The following ACTN1 variants were observed in gnomAD, a reference collection of about 807,000 sequenced individuals.
ACTN1 encodes alpha-actinin-1.
A neutral mutation model predicts 119.6 loss-of-function variants in ACTN1; 30 were observed. The observed-to-expected ratio is 0.25, with a 90% CI of 0.19 to 0.34. The LOEUF (loss-of-function observed/expected upper bound fraction) is 0.34, where lower values mean the gene tolerates loss of function less well. ACTN1 is among the 10% of genes least tolerant of loss of function. ACTN1 has a pLI of 1.00. For synonymous variants in ACTN1, 429 were observed against 472.6 expected (o/e 0.91, Z 1.20); for missense variants, 764 against 1,223.4 (o/e 0.62, Z 5.60).
At chr14:68,950,970 G>C (rs1043207420) in intron 1 of ACTN1, among the ~76,000 whole-genome samples, 5 of 152,180 alleles carry the variant, frequency 3.3e-5, no homozygotes, top group Admixed American at 1.3e-4. Flanking sequence ...CAGTTAGAGG[G>C]GGGCAATGTT....
chr14:68,875,177 C>A (rs1360811438), intron 21 of ACTN1, 160 bp from the exon 22 acceptor site: 1 of 1,509,722 alleles, frequency 6.6e-7, no homozygotes, highest in Admixed American at 2.0e-5. Context: ...AATATCCACA[C>A]ATGTACATAC....
At chr14:68,894,396 G>C (rs543227174) in intron 8 of ACTN1, among the ~76,000 whole-genome samples, 3 of 152,214 alleles carry the variant, frequency 2.0e-5, no homozygotes, top group Non-Finnish European at 4.4e-5. Flanking sequence ...AGACAGCTAA[G>C]CACACATCAT....
chr14:68,934,779 T>C (rs538490993), intron 1 of ACTN1, among the ~76,000 whole-genome samples: 2 of 152,292 alleles, frequency 1.3e-5, no homozygotes, highest in African/African-American at 4.8e-5. Context: ...ATGGCCAAAA[T>C]GATGGGTTCT....
intron 1 of ACTN1, among the ~76,000 whole-genome samples, chr14:68,954,315 A>AATTT (rs377224619): frequency 0.021 from 3,141 of 151,818 alleles, 90 homozygotes; most frequent in South Asian, 0.026. Context: ...ACACACAGAG[A>AATTT]ATTTATTTAT....
rs959727815 is a variant in ACTN1, at chr14:68,880,263, C to A, written c.2134-155G>T. Among the ~76,000 whole-genome samples, 3 of 152,154 alleles carry A rather than the reference C, an allele frequency of 2.0e-5. No individual in the cohort carries two copies. Among genetic ancestry groups the A allele is most frequent in the African/African-American group, 7.2e-5 (3 of 41,434 alleles). ...GTCACCAGAGGAAGGGGAACCAGGA[C>A]AAGGACAACCTACTAGGACAAGGAC... is the stretch of plus-strand genomic sequence containing the variant. On this transcript the variant is annotated intron_variant, in intron 17 of 21. Transcript: ENST00000394419. The surrounding 1 kb of genome is among the most constrained non-coding windows in gnomAD (Gnocchi z 4.6).
At chr14:68,964,005 G>A (rs953366099) in intron 1 of ACTN1, among the ~76,000 whole-genome samples, 4 of 152,164 alleles carry the variant, frequency 2.6e-5, no homozygotes, top group African/African-American at 9.6e-5. Flanking sequence ...CCAAGAATTT[G>A]TAATTTTATT....
Position 68,881,634 on chromosome 14 carries a change from G to C in ACTN1, c.1954-645C>G, listed in dbSNP as rs187450807. ...GTGCAGGGGAGCGACACATACCAATGTGAACTCAACATGGTCTCTGTTCTT... is the reference window on the plus strand; with the variant it reads ...GTGCAGGGGAGCGACACATACCAATCTGAACTCAACATGGTCTCTGTTCTT... On this transcript the variant is annotated intron_variant, in intron 16 of 21. Coordinates refer to ENST00000394419, the MANE Select transcript of ACTN1 (RefSeq NM_001130004.2). 2.0e-5 allele frequency among the ~76,000 whole-genome samples: 3 copies of C among 152,280 alleles called. No homozygotes were observed. In the East Asian group the frequency reaches 5.8e-4, roughly 29 times the overall value.
intron 1 of ACTN1, chr14:68,978,326 C>G (rs886148720): frequency 3.5e-5 from 14 of 398,204 alleles, no homozygotes; most frequent in Admixed American, 2.7e-4. Context: ...ACCCCGCCCC[C>G]ACAGGGCCCG....
In ACTN1 at chr14:68,894,979, G is replaced by A. The variant is rs148474306; in HGVS notation, c.763-1232C>T. Among the ~76,000 whole-genome samples the A allele has an allele frequency of 5.0e-3, 750 of 151,340 alleles. 6 individuals carry two copies. Among genetic ancestry groups the A allele is most frequent in the African/African-American group, 0.017 (706 of 41,186 alleles). On this transcript the variant is annotated intron_variant, in intron 8 of 21. Transcript: ENST00000394419. Reference sequence around the variant, plus strand: ...TTTCCTTGAAGAACTTCTCGAATCCGCCCACCAAATCATGTGCTTTGTGGA... The same window carrying A: ...TTTCCTTGAAGAACTTCTCGAATCCACCCACCAAATCATGTGCTTTGTGGA...
rs1005707423 is a variant in ACTN1 at position 68,979,273 on chromosome 14, G to T, written c.-217C>A. On this transcript the variant is annotated 5_prime_UTR_variant, in exon 1 of 22. Transcript: ENST00000394419. The stretch of plus-strand genomic sequence containing the variant: ...GCTCGCGGACTGCCTGCCTCTGGGC[G>T]GGCGCTTGGACCTAATCTCCACGCA... The T allele has an allele frequency of 5.0e-6, 2 of 403,342 alleles. No homozygotes were observed. The highest frequency in any genetic ancestry group is 8.2e-5 in the South Asian group (2 of 24,306). The allele number at this position is 403,342 out of a possible 1,614,324, so 25.0% of individuals were successfully genotyped here.
chr14:68,923,733 C>T (rs939628727), intron 2 of ACTN1, among the ~76,000 whole-genome samples: 3 of 152,086 alleles, frequency 2.0e-5, no homozygotes, highest in East Asian at 3.8e-4. Context: ...TCCCATGTGA[C>T]CTAGCAGTTC....
rs572920980 is a variant in ACTN1 at position 68,909,006 on chromosome 14, C to T, written c.594+312G>A. ...AATAGTGTCTCCTCTTTACAAATCC[C>T]GGAAAAACAGAAGGGAGAAACACCA... On this transcript the variant is annotated intron_variant, in intron 6 of 21. Coordinates refer to ENST00000394419, the MANE Select transcript of ACTN1 (RefSeq NM_001130004.2). This position sits in a 1 kb window ranked among gnomAD's most constrained non-coding sequence, Gnocchi z 4.1. Among the ~76,000 whole-genome samples, 18 of 152,290 alleles carry T rather than the reference C, an allele frequency of 1.2e-4. No homozygotes were observed. The highest frequency in any genetic ancestry group is 4.3e-4 in the African/African-American group (18 of 41,546).
chr14:68,937,853 G>A lies in ACTN1; in HGVS notation c.106-12181C>T, dbSNP rs938711241. ...CAAGCCAGCCCCCTGCTGTGTGGGC[G>A]GGGTGTGTGAACCAGCAGGGTCCTT... is the stretch of plus-strand genomic sequence containing the variant. On this transcript the variant is annotated intron_variant, in intron 1 of 21. Transcript: ENST00000394419. 9.2e-5 allele frequency among the ~76,000 whole-genome samples: 14 copies of A among 152,190 alleles called. No homozygotes were observed. In the South Asian group the frequency reaches 2.1e-3, roughly 23 times the overall value.
At chr14:68,950,888 A>G (rs1246738202) in intron 1 of ACTN1, among the ~76,000 whole-genome samples, 1 of 152,198 alleles carries the variant, frequency 6.6e-6, no homozygotes, top group African/African-American at 2.4e-5. Context: ...TTATCATAAA[A>G]CAAAACAGAT....
rs2034872661 is a variant in ACTN1, at chr14:68,925,405, A to G, written c.220+153T>C. On this transcript the variant is annotated intron_variant, in intron 2 of 21. Coordinates refer to ENST00000394419, the MANE Select transcript of ACTN1 (RefSeq NM_001130004.2). The surrounding 1 kb of genome is among the most constrained non-coding windows in gnomAD (Gnocchi z 4.3). ...CTGGATGGCTGGCAGCAGAACCAGA[A>G]CTCAGACCCACGCTCCTAGGATGAA... Among the ~76,000 whole-genome samples the G allele has an allele frequency of 6.6e-6, 1 of 150,606 alleles. No individual in the cohort carries two copies. Among genetic ancestry groups the G allele is most frequent in the African/African-American group, 2.4e-5 (1 of 40,848 alleles).
intron 1 of ACTN1, among the ~76,000 whole-genome samples, chr14:68,936,332 G>A (rs939274223): frequency 1.5e-4 from 23 of 152,114 alleles, no homozygotes; most frequent in Admixed American, 1.1e-3. Context: ...TTAGTGTCCC[G>A]GACAGCATCT....
At position 68,882,821 on chromosome 14, in the gene ACTN1, A is replaced by G. The variant is rs2031675466; in HGVS notation, c.1818+52T>C. 2 of 1,588,980 alleles carry G rather than the reference A, an allele frequency of 1.3e-6. No individual in the cohort carries two copies. Among genetic ancestry groups the G allele is most frequent in the African/African-American group, 2.7e-5 (2 of 74,154 alleles). Reference sequence around the variant, plus strand: ...CAAAAATCAATTAAAATGGACAAAAATCCCTGCCTTTATGAAACTTACAAT... The same window carrying G: ...CAAAAATCAATTAAAATGGACAAAAGTCCCTGCCTTTATGAAACTTACAAT... On this transcript the variant is annotated intron_variant, in intron 15 of 21. Coordinates refer to ENST00000394419, the MANE Select transcript of ACTN1 (RefSeq NM_001130004.2). This position sits in a 1 kb window ranked among gnomAD's most constrained non-coding sequence, Gnocchi z 4.5.
In ACTN1 at chr14:68,926,008, A is replaced by C. The variant is rs574907315; in HGVS notation, c.106-336T>G. 6.6e-5 allele frequency among the ~76,000 whole-genome samples: 10 copies of C among 152,310 alleles called. No individual in the cohort carries two copies. In the East Asian group the frequency reaches 1.9e-3, roughly 29 times the overall value. ...TGCCACAATTCCATTCTTACAAGTT[A>C]CCTCTTAAGTTATAAGACTTAGTTT... On this transcript the variant is annotated intron_variant, in intron 1 of 21. Transcript: ENST00000394419.
chr14:68,973,493 T>G (rs1028214464), intron 1 of ACTN1, among the ~76,000 whole-genome samples: 5 of 152,204 alleles, frequency 3.3e-5, no homozygotes, highest in Admixed American at 1.3e-4. Flanking sequence ...CCTTCCGCCA[T>G]GATTTTAAGT....
Sources: gnomAD v4.1 joint callset for allele counts (sites outside exome capture counted in the v4.1 genomes callset) on GRCh38, gnomAD v4.1.1 for gene constraint, Gnocchi (gnomAD v3.1) non-coding constraint, MANE v1.5 for transcripts, NCBI Gene and HGNC (gene_info 2026-07-23, HGNC 2026-07-21) for gene names.